Variants in CD38 observed in about 807,000 individuals in gnomAD.
CD38 encodes ADP-ribosyl cyclase/cyclic ADP-ribose hydrolase 1.
CD38 carries 31 observed loss-of-function variants against 36.3 expected under a neutral mutation model. The observed-to-expected ratio is 0.85, with a 90% CI of 0.64 to 1.15. The LOEUF is 1.15. Ranked by LOEUF, CD38 falls within the 50% of genes most tolerant of loss-of-function variation. The probability of loss-of-function intolerance (pLI) is 0.00; values close to 1 mark genes in which losing one functional copy is unlikely to be tolerated. For synonymous variants in CD38, 131 were observed against 135.2 expected (o/e 0.97, Z 0.22); for missense variants, 380 against 371.9 (o/e 1.02, Z -0.18).
intron 1 of CD38, among the ~76,000 whole-genome samples, chr4:15,790,944 C>T (rs1258849965): frequency 4.7e-4 from 70 of 149,698 alleles, no homozygotes; most frequent in Admixed American, 3.7e-3. Flanking sequence ...GCCTGGCAAC[C>T]GCCCCGTCTG....
chr4:15,799,149 A>G (rs1473403601), intron 1 of CD38, among the ~76,000 whole-genome samples: 2 of 152,240 alleles, frequency 1.3e-5, no homozygotes, highest in Admixed American at 1.3e-4. Context: ...TTTGCTTTTC[A>G]TAGTTAGATC....
intron 1 of CD38, among the ~76,000 whole-genome samples, chr4:15,790,717 A>C (rs1363274079): frequency 7.5e-6 from 1 of 133,020 alleles, no homozygotes; most frequent in African/African-American, 2.9e-5. Flanking sequence ...CCGCCATCCC[A>C]TCTAGGAGGC....
rs965823410 is a variant in CD38 at position 15,851,557 on chromosome 4, TAA to T, written c.*2956_*2957del. ...CCTATTGTAATGGTTCTTGACCTTA[TAA>T]TGTTTGAGGCACCTTTTCAAATATA... On this transcript the variant is annotated 3_prime_UTR_variant, in exon 8 of 8. Transcript: ENST00000226279. 2 of 152,220 alleles carry T rather than the reference TAA, an allele frequency of 1.3e-5. No individual in the cohort carries two copies. The highest frequency in any genetic ancestry group is 4.8e-5 in the African/African-American group (2 of 41,440). The allele number at this position is 152,220 out of a possible 1,614,324, so 9.4% of individuals were successfully genotyped here.
At chr4:15,807,491 T>A (rs1250568402) in intron 1 of CD38, among the ~76,000 whole-genome samples, 1 of 152,236 alleles carries the variant, frequency 6.6e-6, no homozygotes, top group Non-Finnish European at 1.5e-5. Context: ...GAGTTGATTA[T>A]GCTCAGCTGA....
In CD38 at chr4:15,802,196, C is replaced by G. The variant is rs184289208; in HGVS notation, c.234-14315C>G. Among the ~76,000 whole-genome samples the G allele has an allele frequency of 4.6e-5, 7 of 151,598 alleles. No individual in the cohort carries two copies. In the East Asian group the frequency reaches 1.4e-3, roughly 29 times the overall value. ...AACCCCACTTACAATAGCTACCCCC[C>G]AAAAAAAACCTCCACCTAGGAGTAA... On this transcript the variant is annotated intron_variant, in intron 1 of 7. Coordinates refer to ENST00000226279, the MANE Select transcript of CD38 (RefSeq NM_001775.4).
In CD38 at chr4:15,805,386, T is replaced by C. The variant is rs191379649; in HGVS notation, c.234-11125T>C. On this transcript the variant is annotated intron_variant, in intron 1 of 7. Transcript: ENST00000226279. ...TCAAATATGTCCACCCTATTTAATGTCAACTGTCCACCGTATTTAATGCCA... is the reference window on the plus strand; with the variant it reads ...TCAAATATGTCCACCCTATTTAATGCCAACTGTCCACCGTATTTAATGCCA... Among the ~76,000 whole-genome samples, 9 of 152,276 alleles carry C rather than the reference T, an allele frequency of 5.9e-5. No individual in the cohort carries two copies. In the East Asian group the frequency reaches 1.7e-3, roughly 29 times the overall value.
At chr4:15,799,971 T>A (rs1723182467) in intron 1 of CD38, among the ~76,000 whole-genome samples, 1 of 152,142 alleles carries the variant, frequency 6.6e-6, no homozygotes, top group African/African-American at 2.4e-5. Flanking sequence ...ATAAACACAT[T>A]ATTTTCCCTT....
At position 15,848,611 on chromosome 4, in the gene CD38, C is replaced by T. The variant is rs1255299912; in HGVS notation, c.*9C>T. 2 of 1,612,450 alleles carry T rather than the reference C, an allele frequency of 1.2e-6. No individual in the cohort carries two copies. Among genetic ancestry groups the T allele is most frequent in the African/African-American group, 1.3e-5 (1 of 75,002 alleles). On this transcript the variant is annotated 3_prime_UTR_variant, in exon 8 of 8. Coordinates refer to ENST00000226279, the MANE Select transcript of CD38 (RefSeq NM_001775.4). Reference sequence around the variant, plus strand: ...GCACATCTGAGATCTGAGCCAGTCGCTGTGGTTGTTTTAGCTCCTTGACTC... The same window carrying T: ...GCACATCTGAGATCTGAGCCAGTCGTTGTGGTTGTTTTAGCTCCTTGACTC...
chr4:15,783,535 AC>A (rs1722742922), intron 1 of CD38, among the ~76,000 whole-genome samples: 1 of 152,122 alleles, frequency 6.6e-6, no homozygotes, highest in Admixed American at 6.5e-5. Context: ...TATTTTATTC[AC>A]TTCTGCATCT....
In CD38 at chr4:15,778,991, C is replaced by T. The variant is rs993254699; in HGVS notation, c.233+344C>T. Among the ~76,000 whole-genome samples the T allele has an allele frequency of 5.3e-5, 8 of 152,218 alleles. No homozygotes were observed. The highest frequency in any genetic ancestry group is 5.2e-4 in the Admixed American group (8 of 15,290). On this transcript the variant is annotated intron_variant, in intron 1 of 7. Transcript: ENST00000226279. The surrounding 1 kb of genome is among the most constrained non-coding windows in gnomAD (Gnocchi z 4.9). The stretch of plus-strand genomic sequence containing the variant: ...TGCAGCCCACCCTCGGCGCGCTCAG[C>T]CCGCTTCACCGCTTCAGGGACGGAA...
At chr4:15,788,971 C>A (rs1376114370) in intron 1 of CD38, among the ~76,000 whole-genome samples, 1 of 152,106 alleles carries the variant, frequency 6.6e-6, no homozygotes, top group Non-Finnish European at 1.5e-5. Context: ...CTCCAAGTTA[C>A]CATCTAACTT....
intron 1 of CD38, among the ~76,000 whole-genome samples, chr4:15,791,243 CGTA>C (rs1722979044): frequency 1.7e-5 from 1 of 58,514 alleles, no homozygotes. Flanking sequence ...CCCGGCCGCC[CGTA>C]CTGGGAAGTG....
chr4:15,795,264 G>A (rs1191099861), intron 1 of CD38, among the ~76,000 whole-genome samples: 2 of 151,918 alleles, frequency 1.3e-5, no homozygotes, highest in Non-Finnish European at 2.9e-5. Flanking sequence ...TGAAAGGGGA[G>A]GAATGGTTAT....
chr4:15,836,996 A>G (rs539288213), intron 4 of CD38, among the ~76,000 whole-genome samples: 16 of 152,344 alleles, frequency 1.1e-4, no homozygotes, highest in African/African-American at 3.4e-4. Context: ...CTTCAAAAAT[A>G]ATTCATTGAG....
At chr4:15,787,885 G>A (rs925667505) in intron 1 of CD38, among the ~76,000 whole-genome samples, 6 of 152,180 alleles carry the variant, frequency 3.9e-5, no homozygotes, top group South Asian at 4.1e-4. Context: ...TTGTTGTTCC[G>A]CCGTGCAGGG....
chr4:15,841,250 G>C (rs558074991), intron 7 of CD38, among the ~76,000 whole-genome samples: 6 of 152,154 alleles, frequency 3.9e-5, no homozygotes, highest in Non-Finnish European at 5.9e-5. Flanking sequence ...ACGTATAATA[G>C]CTTGGAACAA....
chr4:15,839,362 T>C (rs1394754237), intron 5 of CD38, among the ~76,000 whole-genome samples: 3 of 151,862 alleles, frequency 2.0e-5, no homozygotes, highest in Non-Finnish European at 4.4e-5. Context: ...CACGTGGGGA[T>C]TGTTCAACTG....
intron 1 of CD38, among the ~76,000 whole-genome samples, chr4:15,790,915 AGAGGTGAGGAGACCCTCTGC>A: frequency 7.6e-6 from 1 of 132,064 alleles, no homozygotes; most frequent in South Asian, 2.5e-4. Context: ...GCCCCGTCTG[AGAGGTGAGGAGACCCTCTGC>A]CTGGCAACCG....
intron 1 of CD38, among the ~76,000 whole-genome samples, chr4:15,814,698 A>G (rs1202269670): frequency 6.6e-6 from 1 of 152,084 alleles, no homozygotes; most frequent in Non-Finnish European, 1.5e-5. Context: ...TAAATAGGTA[A>G]TCCTTTCTCC....
Sources: gnomAD v4.1 joint callset for allele counts (sites outside exome capture counted in the v4.1 genomes callset) on GRCh38, gnomAD v4.1.1 for gene constraint, Gnocchi (gnomAD v3.1) non-coding constraint, MANE v1.5 for transcripts, NCBI Gene and HGNC (gene_info 2026-07-23, HGNC 2026-07-21) for gene names.